The following TULP4 variants were observed in gnomAD, a reference collection of about 807,000 sequenced individuals.
TULP4 encodes TUB like protein 4.
Under a neutral mutation model 129.0 loss-of-function variants are expected in TULP4, and 16 were observed. The observed-to-expected ratio is 0.12, with a 90% CI of 0.08 to 0.19. The LOEUF is 0.19. TULP4 is among the 10% of genes least tolerant of loss of function. The pLI is 1.00. For synonymous variants in TULP4, 998 were observed against 854.0 expected, an observed-to-expected ratio of 1.17 and a Z score of -2.94; for missense variants, 1,842 against 2,059.1, an observed-to-expected ratio of 0.89 and a Z score of 2.04.
At chr6:158,430,541 G>A (rs1253972020) in intron 3 of TULP4, among the ~76,000 whole-genome samples, 1 of 152,066 alleles carries the variant, frequency 6.6e-6, no homozygotes, top group Non-Finnish European at 1.5e-5. Flanking sequence ...TCAGGATTTC[G>A]AGACCAGCCT....
chr6:158,236,744 A>T (rs9364865), intron 1 of TULP4, among the ~76,000 whole-genome samples: 2 of 150,348 alleles, frequency 1.3e-5, no homozygotes, highest in Non-Finnish European at 3.0e-5. Flanking sequence ...ATCAGCACAC[A>T]CAGATAAAGG....
intron 1 of TULP4, among the ~76,000 whole-genome samples, chr6:158,384,145 T>C (rs1364603582): frequency 6.6e-6 from 1 of 152,214 alleles, no homozygotes; most frequent in Non-Finnish European, 1.5e-5. Flanking sequence ...CAATATAGCA[T>C]CTCGAATATT....
At chr6:158,498,529 A>G in intron 11 of TULP4, 140 bp from the exon 12 acceptor site, 2 of 1,016,464 alleles carry the variant, frequency 2.0e-6, no homozygotes, top group Non-Finnish European at 1.5e-6. Flanking sequence ...AGCTCCTCTC[A>G]GCCTCTGGGC....
intron 2 of TULP4, among the ~76,000 whole-genome samples, chr6:158,421,587 A>T (rs1778343852): frequency 6.6e-6 from 1 of 152,240 alleles, no homozygotes; most frequent in Non-Finnish European, 1.5e-5. Flanking sequence ...TAGAGACAGT[A>T]GGATGACAAA....
chr6:158,454,028 C>CCA (rs1562573001), intron 5 of TULP4, among the ~76,000 whole-genome samples: 3 of 148,864 alleles, frequency 2.0e-5, no homozygotes, highest in African/African-American at 5.0e-5. Context: ...ACCGCCCCCC[C>CCA]CCAAGTAATT....
chr6:158,411,941 T>C lies in TULP4; in HGVS notation c.253-1124T>C, dbSNP rs560160193. Among the ~76,000 whole-genome samples the C allele has an allele frequency of 2.8e-4, 42 of 152,354 alleles. No individual in the cohort carries two copies. In the South Asian group the frequency reaches 2.9e-3, roughly 11 times the overall value. On this transcript the variant is annotated intron_variant, in intron 1 of 13. Coordinates refer to ENST00000367097, the MANE Select transcript of TULP4 (RefSeq NM_020245.5). ...GGAAACCATTAACACCAGTGCCACA[T>C]GTTCACAACTATTATAATTAGCTAT...
At chr6:158,392,272 GC>G (rs1430091341) in intron 1 of TULP4, among the ~76,000 whole-genome samples, 3 of 151,564 alleles carry the variant, frequency 2.0e-5, no homozygotes, top group Non-Finnish European at 4.4e-5. Flanking sequence ...GGAAAGAAGT[GC>G]CCCCATGATT....
At position 158,494,817 on chromosome 6, in the gene TULP4, C is replaced by A. The variant is rs774681883; in HGVS notation, c.1841C>A (p.Ala614Asp). ...ACCAAATTTAAGATTGTGGGCTTGGCTGCTTTCCTGCCAACCAACCTCGGT... is the reference window on the plus strand; with the variant it reads ...ACCAAATTTAAGATTGTGGGCTTGGATGCTTTCCTGCCAACCAACCTCGGT... ...WGTKFKIVGLAAFLPTNLGAV... is the reference protein window; with the variant it reads ...WGTKFKIVGLDAFLPTNLGAV... The change falls in exon 11 of 14, where the codon GCT becomes GAT. Residue 614 changes from alanine to aspartate, a missense_variant. Coordinates refer to ENST00000367097, the MANE Select transcript of TULP4 (RefSeq NM_020245.5). 1.1e-5 allele frequency: 18 copies of A among 1,614,094 alleles called. No homozygotes were observed. In the Admixed American group the frequency reaches 2.8e-4, roughly 25 times the overall value.
intron 2 of TULP4, among the ~76,000 whole-genome samples, chr6:158,418,870 A>G (rs762647531): frequency 6.6e-6 from 1 of 152,248 alleles, no homozygotes; most frequent in Non-Finnish European, 1.5e-5. Context: ...GCTTCATTTT[A>G]CTGGCTATGT....
At chr6:158,430,364 A>C (rs1335411451) in intron 3 of TULP4, among the ~76,000 whole-genome samples, 2 of 152,256 alleles carry the variant, frequency 1.3e-5, no homozygotes, top group African/African-American at 4.8e-5. Context: ...TTTTTTAAAA[A>C]TTGAATTTCA....
chr6:158,480,908 A>G (rs1279818520), intron 7 of TULP4, 147 bp from the exon 8 acceptor site: 4 of 648,712 alleles, frequency 6.2e-6, no homozygotes, highest in Non-Finnish European at 1.0e-5. Flanking sequence ...TCTACACCAC[A>G]TAGTTACCCT....
At chr6:158,311,629 G>GA (rs1258535878), upstream of TULP4, among the ~76,000 whole-genome samples, 2 of 152,142 alleles carry the variant, frequency 1.3e-5, no homozygotes, top group Non-Finnish European at 2.9e-5. Flanking sequence ...TATTAATCGT[G>GA]AAAAAATCAA....
intron 1 of TULP4, among the ~76,000 whole-genome samples, chr6:158,394,659 C>T (rs827970): frequency 0.7 from 105,337 of 150,484 alleles, 37,210 homozygotes; most frequent in Middle Eastern, 0.75. Context: ...TGGTGGCGGG[C>T]GCCTGTAGTC....
At chr6:158,364,148 T>TA (rs201915683) in intron 1 of TULP4, among the ~76,000 whole-genome samples, 1 of 152,168 alleles carries the variant, frequency 6.6e-6, no homozygotes, top group Non-Finnish European at 1.5e-5. Flanking sequence ...TTTTTAAATT[T>TA]AAAAAAATAA....
At chr6:158,247,649 G>A (rs1445438458) in intron 1 of TULP4, among the ~76,000 whole-genome samples, 2 of 152,236 alleles carry the variant, frequency 1.3e-5, no homozygotes, top group Non-Finnish European at 2.9e-5. Context: ...GGGAAGTCAA[G>A]AGTTTTGTGT....
chr6:158,469,698 G>T (rs1245265041), intron 6 of TULP4, among the ~76,000 whole-genome samples: 2 of 151,972 alleles, frequency 1.3e-5, no homozygotes, highest in Non-Finnish European at 2.9e-5. Context: ...TCATCCACAT[G>T]GAGGCCATAG....
chr6:158,351,197 A>G (rs1780510026), intron 1 of TULP4, among the ~76,000 whole-genome samples: 1 of 152,212 alleles, frequency 6.6e-6, no homozygotes, highest in African/African-American at 2.4e-5. Context: ...ACACTTATGT[A>G]GGCACCTTGA....
intron 1 of TULP4, among the ~76,000 whole-genome samples, chr6:158,351,700 T>C (rs2077233407): frequency 6.7e-6 from 1 of 149,174 alleles, no homozygotes; most frequent in Non-Finnish European, 1.5e-5. Context: ...CTTTTTGTGT[T>C]GTTAAACTTT....
intron 1 of TULP4, among the ~76,000 whole-genome samples, chr6:158,376,584 G>A (rs932494167): frequency 2.0e-5 from 3 of 152,342 alleles, no homozygotes; most frequent in African/African-American, 7.2e-5. Context: ...CCTCTCAAGA[G>A]GGAGGTTTCA....
Sources: allele counts gnomAD v4.1 joint callset (sites outside exome capture counted in the v4.1 genomes callset), GRCh38; gene constraint gnomAD v4.1.1; transcripts MANE v1.5; gene names NCBI Gene and HGNC (gene_info 2026-07-23, HGNC 2026-07-21).